SESTD1: variants seen among roughly 807,000 people sequenced by gnomAD.
SESTD1 encodes SEC14 and spectrin domain containing 1.
SESTD1 carries 43 observed loss-of-function variants against 101.7 expected under a neutral mutation model. The ratio of observed to expected loss-of-function variants is 0.42; its 90% CI spans 0.33 to 0.55. The LOEUF (loss-of-function observed/expected upper bound fraction) is 0.55, where lower values mean the gene tolerates loss of function less well. Ranked by LOEUF, SESTD1 falls within the 20% of genes least tolerant of loss-of-function variation. The pLI is 0.07. For synonymous variants in SESTD1, 283 were observed against 286.8 expected (o/e 0.99, Z 0.13); for missense variants, 647 against 815.1 (o/e 0.79, Z 2.51).
At chr2:179,187,611 G>A (rs938901423) in intron 2 of SESTD1, among the ~76,000 whole-genome samples, 1 of 152,124 alleles carries the variant, frequency 6.6e-6, no homozygotes, top group Admixed American at 6.6e-5. Flanking sequence ...TCCAGCCTGG[G>A]TGGCAGAACG....
At chr2:179,250,651 T>G (rs369458406) in intron 1 of SESTD1, among the ~76,000 whole-genome samples, 1 of 151,846 alleles carries the variant, frequency 6.6e-6, no homozygotes, top group Non-Finnish European at 1.5e-5. Flanking sequence ...AGGACACCAG[T>G]CAGATGGATT....
At chr2:179,155,885 C>G (rs572055838) in intron 5 of SESTD1, among the ~76,000 whole-genome samples, 25 of 152,130 alleles carry the variant, frequency 1.6e-4, no homozygotes, top group African/African-American at 6.0e-4. Flanking sequence ...TTATCCCTTG[C>G]TTCCCTCTCA....
rs996299905 is a variant in SESTD1, at chr2:179,112,655, T to A, written c.1961+69A>T. ...TACTTGGCTTTTTAAAGAATAGATT[T>A]CCTCTTTTAATGATTTCACTTTAAG... On this transcript the variant is annotated intron_variant, in intron 17 of 17. Coordinates refer to ENST00000428443, the MANE Select transcript of SESTD1 (RefSeq NM_178123.5). The A allele has an allele frequency of 5.5e-6, 8 of 1,467,098 alleles. No individual in the cohort carries two copies. The Admixed American group carries it at 2.0e-4, about 37-fold the overall frequency. 90.9% of individuals were successfully genotyped at this position (1,467,098 alleles called of 1,614,324 possible). A position where few individuals can be genotyped will look rare whatever the true frequency, so the allele number is the denominator to read the frequency against.
At chr2:179,154,852 AT>A (rs1446396093) in intron 5 of SESTD1, among the ~76,000 whole-genome samples, 1 of 152,210 alleles carries the variant, frequency 6.6e-6, no homozygotes, top group African/African-American at 2.4e-5. Flanking sequence ...AGTATGAAAT[AT>A]TTTAAAACTT....
chr2:179,232,301 C>A (rs1475245096), intron 1 of SESTD1, among the ~76,000 whole-genome samples: 3 of 151,790 alleles, frequency 2.0e-5, no homozygotes, highest in African/African-American at 7.3e-5. Context: ...AAATCTGTAG[C>A]TTTGAACATT....
At chr2:179,113,979 T>C (rs911386111) in intron 16 of SESTD1, among the ~76,000 whole-genome samples, 1 of 152,114 alleles carries the variant, frequency 6.6e-6, no homozygotes, top group Non-Finnish European at 1.5e-5. Context: ...GGGGAGCTTC[T>C]GGGTGCTGGT....
At chr2:179,259,463 C>T (rs1324092332) in intron 1 of SESTD1, among the ~76,000 whole-genome samples, 1 of 152,026 alleles carries the variant, frequency 6.6e-6, no homozygotes, top group African/African-American at 2.4e-5. Context: ...CTCCTGACCT[C>T]GTGATCCACC....
chr2:179,173,625 T>G (rs80212074), intron 4 of SESTD1, among the ~76,000 whole-genome samples: 1 of 152,134 alleles, frequency 6.6e-6, no homozygotes, highest in Non-Finnish European at 1.5e-5. Context: ...TTGAGCTGAA[T>G]AGAAACCACC....
At chr2:179,257,818 A>G (rs1278686845) in intron 1 of SESTD1, among the ~76,000 whole-genome samples, 1 of 152,238 alleles carries the variant, frequency 6.6e-6, no homozygotes, top group Non-Finnish European at 1.5e-5. Flanking sequence ...AGAGATACAC[A>G]GAGAAGTACT....
rs777040300 is a variant in SESTD1 at position 179,124,440 on chromosome 2, T to A, written c.1091A>T (p.Tyr364Phe). The A allele has an allele frequency of 6.2e-7, 1 of 1,614,154 alleles. No homozygotes were observed. The highest frequency in any genetic ancestry group is 2.2e-5 in the East Asian group (1 of 44,872). The change falls in exon 11 of 18, where the codon TAT (tyrosine) becomes TTT (phenylalanine). Residue 364 changes from tyrosine (Y) to phenylalanine (F), a missense_variant. Tyr to Phe is a conservative substitution (Grantham distance 22). Transcript: ENST00000428443. ...SLQQQLSDVC[Y>F]RQASQLEFRQ... is the part of the protein sequence containing the mutation. ...AAATTCCAGCTGACTGGCCTGTCGATAACAAACATCACTAAGTTGTTGCTG... is the reference window on the plus strand; with the variant it reads ...AAATTCCAGCTGACTGGCCTGTCGAAAACAAACATCACTAAGTTGTTGCTG...
At chr2:179,199,168 T>A (rs2105506626) in intron 1 of SESTD1, among the ~76,000 whole-genome samples, 1 of 152,146 alleles carries the variant, frequency 6.6e-6, no homozygotes, top group East Asian at 1.9e-4. Flanking sequence ...CAGAGAATAC[T>A]ACAAACACCT....
intron 16 of SESTD1, 76 bp from the exon 17 acceptor site, chr2:179,112,921 CAAA>C (rs893606431): frequency 2.7e-5 from 38 of 1,403,330 alleles, no homozygotes; most frequent in Non-Finnish European, 3.6e-5. Context: ...CCCCACCCCA[CAAA>C]AAAAAAGAGA....
chr2:179,111,719 C>CT (rs572503441), intron 17 of SESTD1, among the ~76,000 whole-genome samples: 5,224 of 135,334 alleles, frequency 0.039, 122 homozygotes, highest in African/African-American at 0.05. Context: ...CCTCCTGATT[C>CT]TTTTTTTTTT....
chr2:179,237,693 T>C (rs2047089470), intron 1 of SESTD1, among the ~76,000 whole-genome samples: 1 of 152,210 alleles, frequency 6.6e-6, no homozygotes. Flanking sequence ...TTTTCCAAAC[T>C]TGTAATATGA....
At chr2:179,144,837 C>T (rs958485086) in intron 8 of SESTD1, among the ~76,000 whole-genome samples, 2 of 151,716 alleles carry the variant, frequency 1.3e-5, no homozygotes, top group Admixed American at 6.6e-5. Flanking sequence ...ATTAAATTTA[C>T]AATAGAAATT....
intron 1 of SESTD1, among the ~76,000 whole-genome samples, chr2:179,197,746 G>A (rs1165262032): frequency 6.6e-6 from 1 of 152,048 alleles, no homozygotes; most frequent in African/African-American, 2.4e-5. Context: ...ATCCTTTACA[G>A]ACAAGCAAAT....
At chr2:179,244,716 A>G (rs966049684) in intron 1 of SESTD1, among the ~76,000 whole-genome samples, 1 of 152,254 alleles carries the variant, frequency 6.6e-6, no homozygotes, top group Non-Finnish European at 1.5e-5. Context: ...AACCACAGAA[A>G]AGCGGGAACA....
At chr2:179,187,479 A>C (rs1371101434) in intron 2 of SESTD1, among the ~76,000 whole-genome samples, 2 of 152,146 alleles carry the variant, frequency 1.3e-5, no homozygotes, top group African/African-American at 2.4e-5. Flanking sequence ...ATTAAAAATG[A>C]GAAAATTAGC....
chr2:179,170,748 G>A (rs1003834148), intron 5 of SESTD1, among the ~76,000 whole-genome samples: 2 of 152,132 alleles, frequency 1.3e-5, no homozygotes, highest in South Asian at 2.1e-4. Context: ...CTCCCTCCAG[G>A]GAAGGGAGAG....
Sources: gnomAD v4.1 joint callset for allele counts (sites outside exome capture counted in the v4.1 genomes callset) on GRCh38, gnomAD v4.1.1 for gene constraint, MANE v1.5 for transcripts, NCBI Gene and HGNC (gene_info 2026-07-23, HGNC 2026-07-21) for gene names.